The following MIPOL1 variants were observed in gnomAD, a reference collection of about 807,000 sequenced individuals.
MIPOL1 encodes the protein mirror-image polydactyly 1, also known as mirror-image polydactyly gene 1 protein.
A neutral mutation model predicts 60.9 loss-of-function variants in MIPOL1; 57 were observed. The observed-to-expected ratio is 0.94, with a 90% CI of 0.76 to 1.17. The LOEUF is 1.17. MIPOL1 is among the 50% of genes most tolerant of loss of function. The pLI, the probability that MIPOL1 is intolerant of heterozygous loss-of-function variation, is 0.00. For missense variants in MIPOL1, 551 were observed against 511.6 expected, an observed-to-expected ratio of 1.08 and a Z score of -0.74; for synonymous variants, 179 against 168.8, an observed-to-expected ratio of 1.06 and a Z score of -0.47.
intron 11 of MIPOL1, among the ~76,000 whole-genome samples, chr14:37,455,761 A>ACT (rs910387729): frequency 5.9e-5 from 9 of 152,074 alleles, no homozygotes; most frequent in African/African-American, 2.2e-4. Flanking sequence ...TGAGTTTATA[A>ACT]CTCTAGGGCA....
At chr14:37,263,800 A>T (rs973570662) in intron 3 of MIPOL1, among the ~76,000 whole-genome samples, 1 of 152,214 alleles carries the variant, frequency 6.6e-6, no homozygotes, top group Non-Finnish European at 1.5e-5. Flanking sequence ...TACTAAAGAG[A>T]GTTTCCGTTT....
intron 3 of MIPOL1, among the ~76,000 whole-genome samples, chr14:37,264,041 C>T (rs1235741791): frequency 6.6e-6 from 1 of 152,024 alleles, no homozygotes; most frequent in Non-Finnish European, 1.5e-5. Flanking sequence ...TGGGGCAATA[C>T]AAATAAGCTC....
At chr14:37,349,888 A>G (rs2091226099) in intron 9 of MIPOL1, among the ~76,000 whole-genome samples, 1 of 152,218 alleles carries the variant, frequency 6.6e-6, no homozygotes. Context: ...TATTGGTTGA[A>G]AAAAATGCAC....
At chr14:37,214,184 C>T (rs913421598) in intron 1 of MIPOL1, among the ~76,000 whole-genome samples, 3 of 152,062 alleles carry the variant, frequency 2.0e-5, no homozygotes, top group African/African-American at 4.8e-5. Flanking sequence ...AATACTATGG[C>T]ACGGTAACTG....
Position 37,546,934 on chromosome 14 carries a change from A to G in MIPOL1, c.1292A>G (p.Lys431Arg). ...KLERLVDVLR[K>R]KVGTGTMRTV... is the part of the protein sequence containing the mutation. ...GAAAGGCTGGTGGATGTACTGAGGA[A>G]GAAGGTTGGAACCGGGACCATGAGG... is the stretch of plus-strand genomic sequence containing the variant. Residue 431 changes from lysine (K) to arginine (R), a missense_variant, in exon 13 of 13, where the codon AAG becomes AGG. Physicochemically the swap from Lys to Arg is conservative, Grantham distance 26. Transcript: ENST00000684589. The G allele has an allele frequency of 1.2e-6, 2 of 1,612,476 alleles. No homozygotes were observed. Among genetic ancestry groups the G allele is most frequent in the Non-Finnish European group, 8.5e-7 (1 of 1,179,194 alleles).
chr14:37,527,045 T>C (rs1347126857), intron 12 of MIPOL1, among the ~76,000 whole-genome samples: 2 of 152,132 alleles, frequency 1.3e-5, no homozygotes, highest in Non-Finnish European at 2.9e-5. Flanking sequence ...TTATTAGCAG[T>C]TTATTTTTCT....
At chr14:37,492,575 T>A (rs2095060968) in intron 11 of MIPOL1, among the ~76,000 whole-genome samples, 3 of 152,250 alleles carry the variant, frequency 2.0e-5, no homozygotes, top group South Asian at 4.1e-4. Flanking sequence ...TTCACATATG[T>A]AGATCACCTC....
intron 9 of MIPOL1, among the ~76,000 whole-genome samples, chr14:37,335,946 G>A (rs930490567): frequency 2.0e-5 from 3 of 151,770 alleles, no homozygotes; most frequent in Non-Finnish European, 4.4e-5. Flanking sequence ...TGCGCTTTTA[G>A]TATCATATTC....
intron 1 of MIPOL1, among the ~76,000 whole-genome samples, chr14:37,231,745 TA>T (rs906249849): frequency 4.0e-5 from 6 of 151,000 alleles, no homozygotes; most frequent in African/African-American, 1.5e-4. Context: ...GGTTAATCAC[TA>T]AAAAAAAATT....
intron 12 of MIPOL1, among the ~76,000 whole-genome samples, chr14:37,509,699 A>C (rs2095310293): frequency 1.7e-5 from 1 of 58,520 alleles, no homozygotes; most frequent in African/African-American, 1.2e-4. Flanking sequence ...TATAGGTGAT[A>C]TATATGTATG....
At chr14:37,237,683 G>T (rs1281132204) in intron 1 of MIPOL1, among the ~76,000 whole-genome samples, 1 of 152,162 alleles carries the variant, frequency 6.6e-6, no homozygotes, top group African/African-American at 2.4e-5. Context: ...GACCTTAAAT[G>T]ATCATGCCAC....
chr14:37,246,400 A>C (rs1008341634), intron 1 of MIPOL1, among the ~76,000 whole-genome samples: 5 of 152,186 alleles, frequency 3.3e-5, no homozygotes, highest in Non-Finnish European at 5.9e-5. Flanking sequence ...TAATATAGGT[A>C]TTAATTTAGA....
intron 11 of MIPOL1, chr14:37,423,550 G>T (rs1236750810): frequency 1.3e-5 from 2 of 151,844 alleles, no homozygotes; most frequent in South Asian, 2.1e-4. Context: ...AGAGAAAAAA[G>T]ATTTTGTATT....
chr14:37,335,328 A>G (rs1355134105), intron 9 of MIPOL1, among the ~76,000 whole-genome samples: 1 of 152,072 alleles, frequency 6.6e-6, no homozygotes, highest in Admixed American at 6.6e-5. Context: ...TATACAGTTC[A>G]GTAGTGTTCG....
rs576339457 is a variant in MIPOL1, at chr14:37,466,308, A to G, written c.1032-33600A>G. Among the ~76,000 whole-genome samples, 6 of 152,314 alleles carry G rather than the reference A, an allele frequency of 3.9e-5. No homozygotes were observed. The South Asian group carries it at 1.0e-3, about 26-fold the overall frequency. On this transcript the variant is annotated intron_variant, in intron 11 of 12. Transcript: ENST00000684589. Reference sequence around the variant, plus strand: ...GACAAAGTACTTGATTAAAGTGAACATGATTTTATATTAATTCTGATTTGT... The same window carrying G: ...GACAAAGTACTTGATTAAAGTGAACGTGATTTTATATTAATTCTGATTTGT...
chr14:37,433,483 T>G (rs570518544), intron 11 of MIPOL1, among the ~76,000 whole-genome samples: 1 of 152,264 alleles, frequency 6.6e-6, no homozygotes, highest in African/African-American at 2.4e-5. Flanking sequence ...TGGTTTTCTG[T>G]TCCTGTGTTA....
At chr14:37,429,389 T>TG (rs1356014754) in intron 11 of MIPOL1, among the ~76,000 whole-genome samples, 1 of 152,160 alleles carries the variant, frequency 6.6e-6, no homozygotes, top group African/African-American at 2.4e-5. Context: ...CAAGTCAGTG[T>TG]GTTTTAAATT....
chr14:37,350,212 C>T (rs1567586389), intron 9 of MIPOL1, among the ~76,000 whole-genome samples: 1 of 152,104 alleles, frequency 6.6e-6, no homozygotes, highest in Admixed American at 6.6e-5. Context: ...GCTGGGACTA[C>T]AGGTGAAAGA....
intron 6 of MIPOL1, among the ~76,000 whole-genome samples, chr14:37,280,500 A>T (rs1003341314): frequency 6.6e-6 from 1 of 152,160 alleles, no homozygotes; most frequent in Non-Finnish European, 1.5e-5. Flanking sequence ...CGTGTTTTTG[A>T]TAATAGCCAA....
Sources: gnomAD v4.1 joint callset for allele counts (sites outside exome capture counted in the v4.1 genomes callset) on GRCh38, gnomAD v4.1.1 for gene constraint, MANE v1.5 for transcripts, NCBI Gene and HGNC (gene_info 2026-07-23, HGNC 2026-07-21) for gene names.